Variants in CRACD observed in about 807,000 individuals in gnomAD.
CRACD encodes capping protein-inhibiting regulator of actin dynamics.
Under a neutral mutation model 106.8 loss-of-function variants are expected in CRACD, and 56 were observed. The ratio of observed to expected loss-of-function variants is 0.52; its 90% CI spans 0.42 to 0.66. The LOEUF (loss-of-function observed/expected upper bound fraction) is 0.66, where lower values mean the gene tolerates loss of function less well. CRACD is among the 30% of genes least tolerant of loss of function. CRACD has a pLI of 0.00. For synonymous variants in CRACD, 754 were observed against 670.8 expected (o/e 1.12, Z -1.92); for missense variants, 1,730 against 1,623.2 (o/e 1.07, Z -1.13).
At chr4:56,301,892 C>T (rs1000273773) in intron 4 of CRACD, among the ~76,000 whole-genome samples, 3 of 151,964 alleles carry the variant, frequency 2.0e-5, no homozygotes, top group Non-Finnish European at 4.4e-5. Flanking sequence ...AAATAGTGCA[C>T]GTGCAGAGTG....
intron 1 of CRACD, among the ~76,000 whole-genome samples, chr4:56,129,888 CTG>C (rs1480203544): frequency 2.0e-5 from 3 of 152,156 alleles, no homozygotes; most frequent in African/African-American, 7.2e-5. Flanking sequence ...TGAGGGATGA[CTG>C]TGAGTTTGAT....
chr4:56,192,469 T>C (rs150306022), intron 2 of CRACD, among the ~76,000 whole-genome samples: 66 of 152,254 alleles, frequency 4.3e-4, no homozygotes, highest in African/African-American at 1.6e-3. Flanking sequence ...CCCAACAGAT[T>C]TCAGCAACAT....
At chr4:56,101,933 C>T (rs1025261420) in intron 1 of CRACD, among the ~76,000 whole-genome samples, 2 of 152,086 alleles carry the variant, frequency 1.3e-5, no homozygotes, top group African/African-American at 4.8e-5. Context: ...CCATTTCATT[C>T]ATTTCAATTG....
At chr4:56,063,598 T>C (rs1436069291) in intron 1 of CRACD, among the ~76,000 whole-genome samples, 1 of 152,134 alleles carries the variant, frequency 6.6e-6, no homozygotes, top group Non-Finnish European at 1.5e-5. Flanking sequence ...CTCTGTGAAT[T>C]TGCCTATTGT....
chr4:56,147,480 T>G (rs1005170980), intron 1 of CRACD, among the ~76,000 whole-genome samples: 3 of 152,206 alleles, frequency 2.0e-5, no homozygotes, highest in African/African-American at 7.2e-5. Flanking sequence ...TCTGTCTGTA[T>G]GGATTTGCCT....
intron 3 of CRACD, among the ~76,000 whole-genome samples, chr4:56,281,612 A>C (rs1378233752): frequency 6.6e-6 from 1 of 152,198 alleles, no homozygotes; most frequent in African/African-American, 2.4e-5. Flanking sequence ...TTTAAAAAGC[A>C]GGTTAATATT....
chr4:56,143,772 TTCA>T (rs1365352290), intron 1 of CRACD, among the ~76,000 whole-genome samples: 2 of 152,126 alleles, frequency 1.3e-5, no homozygotes, highest in Non-Finnish European at 2.9e-5. Flanking sequence ...TTATACTTCA[TTCA>T]TTATTTTAAT....
At chr4:56,194,959 A>C (rs1032127415) in intron 2 of CRACD, among the ~76,000 whole-genome samples, 1 of 152,178 alleles carries the variant, frequency 6.6e-6, no homozygotes, top group Non-Finnish European at 1.5e-5. Context: ...TGTCACAGCA[A>C]TAAGTTCAGT....
chr4:56,072,249 T>C (rs1186715003), intron 1 of CRACD, among the ~76,000 whole-genome samples: 1 of 152,108 alleles, frequency 6.6e-6, no homozygotes, highest in Non-Finnish European at 1.5e-5. Flanking sequence ...TATACTCTCA[T>C]AAATTCTTTT....
At chr4:56,164,445 T>C (rs1461178699) in intron 1 of CRACD, among the ~76,000 whole-genome samples, 3 of 152,194 alleles carry the variant, frequency 2.0e-5, no homozygotes, top group African/African-American at 7.2e-5. Flanking sequence ...AGGAGATAAT[T>C]TTTTAATTGC....
At chr4:56,161,788 G>A (rs1268588799) in intron 1 of CRACD, among the ~76,000 whole-genome samples, 1 of 147,200 alleles carries the variant, frequency 6.8e-6, no homozygotes, top group East Asian at 2.0e-4. Context: ...TTTTGAGATG[G>A]AGTCTCGCTC....
intron 2 of CRACD, among the ~76,000 whole-genome samples, chr4:56,183,138 CAGG>C (rs556143338): frequency 0.023 from 3,428 of 151,850 alleles, 141 homozygotes; most frequent in African/African-American, 0.079. Flanking sequence ...GAGGCTGAGG[CAGG>C]AGAATTGCTT....
chr4:56,321,569 A>T (rs1746111019), intron 8 of CRACD, among the ~76,000 whole-genome samples: 1 of 152,202 alleles, frequency 6.6e-6, no homozygotes, highest in Non-Finnish European at 1.5e-5. Flanking sequence ...AGATCTTGGC[A>T]ACTTGGTTTT....
chr4:56,299,463 A>C (rs537188267), intron 4 of CRACD, among the ~76,000 whole-genome samples: 13 of 152,078 alleles, frequency 8.5e-5, no homozygotes, highest in Admixed American at 2.0e-4. Flanking sequence ...TGAACTCAGG[A>C]GTTTGAGACT....
chr4:56,185,653 A>G (rs1448982458), intron 2 of CRACD, among the ~76,000 whole-genome samples: 1 of 152,204 alleles, frequency 6.6e-6, no homozygotes, highest in Non-Finnish European at 1.5e-5. Flanking sequence ...ACTTCTCTTC[A>G]TGAGACAGAT....
intron 1 of CRACD, among the ~76,000 whole-genome samples, chr4:56,054,988 T>C (rs970903720): frequency 1.6e-4 from 24 of 152,260 alleles, no homozygotes; most frequent in African/African-American, 5.5e-4. Flanking sequence ...TCAATATGAA[T>C]TGAGGAAAAG....
chr4:56,097,355 A>G (rs1733631062), intron 1 of CRACD: 1 of 152,578 alleles, frequency 6.6e-6, no homozygotes, highest in African/African-American at 2.4e-5. Flanking sequence ...CTGCTGCTTG[A>G]AGTTAGTGAC....
At chr4:56,278,369 T>C (rs940933394) in intron 3 of CRACD, among the ~76,000 whole-genome samples, 7 of 152,222 alleles carry the variant, frequency 4.6e-5, no homozygotes, top group Non-Finnish European at 7.3e-5. Flanking sequence ...TTGTGGTCAA[T>C]TGATTTTCAA....
intron 1 of CRACD, among the ~76,000 whole-genome samples, chr4:56,177,828 T>C (rs1736651943): frequency 6.6e-6 from 1 of 152,166 alleles, no homozygotes; most frequent in Admixed American, 6.5e-5. Flanking sequence ...TAATGAGCCT[T>C]TTTATTTCCA....
Sources: allele counts gnomAD v4.1 joint callset (sites outside exome capture counted in the v4.1 genomes callset), GRCh38; gene constraint gnomAD v4.1.1; transcripts MANE v1.5; gene names NCBI Gene and HGNC (gene_info 2026-07-23, HGNC 2026-07-21).